Variants in CNTN1 observed in about 807,000 individuals in gnomAD.
CNTN1 encodes contactin 1.
CNTN1 carries 38 observed loss-of-function variants against 126.4 expected under a neutral mutation model. The ratio of observed to expected loss-of-function variants is 0.30; its 90% confidence interval spans 0.23 to 0.39. The LOEUF (loss-of-function observed/expected upper bound fraction) is 0.39. Among genes scored for constraint, CNTN1 ranks in the 10% least tolerant of loss-of-function variants. The pLI is 1.00. For missense variants in CNTN1, 1,009 were observed against 1,248.4 expected (o/e 0.81, Z 2.89); for synonymous variants, 413 against 422.6 (o/e 0.98, Z 0.28).
At chr12:40,934,012 A>T in intron 9 of CNTN1, 134 bp downstream of exon 9, 3 of 729,036 alleles carry the variant, frequency 4.1e-6, no homozygotes, top group Non-Finnish European at 6.9e-6. Flanking sequence ...GGAGAAAGAT[A>T]AAATATTTCT....
chr12:40,880,080 A>G (rs2136694531), intron 1 of CNTN1, among the ~76,000 whole-genome samples: 1 of 152,212 alleles, frequency 6.6e-6, no homozygotes, highest in East Asian at 1.9e-4. Flanking sequence ...ACTCTCAAGG[A>G]ACAAATTTAT....
At chr12:40,812,393 C>T (rs1941097773) in intron 1 of CNTN1, among the ~76,000 whole-genome samples, 1 of 152,022 alleles carries the variant, frequency 6.6e-6, no homozygotes, top group African/African-American at 2.4e-5. Context: ...CTTGTGTTCA[C>T]TTTGTCTATA....
At chr12:41,014,596 T>A (rs545131758) in intron 18 of CNTN1, among the ~76,000 whole-genome samples, 10 of 152,308 alleles carry the variant, frequency 6.6e-5, no homozygotes, top group Non-Finnish European at 1.5e-4. Flanking sequence ...GTAATCTAAT[T>A]GTAATTTTAA....
chr12:41,047,358 C>T (rs1949567116), intron 23 of CNTN1, among the ~76,000 whole-genome samples: 1 of 152,140 alleles, frequency 6.6e-6, no homozygotes, highest in Non-Finnish European at 1.5e-5. Flanking sequence ...TCCATCTACT[C>T]ACTGAGTGCT....
intron 1 of CNTN1, among the ~76,000 whole-genome samples, chr12:40,829,487 A>T (rs1236380086): frequency 2.6e-5 from 4 of 152,160 alleles, no homozygotes; most frequent in African/African-American, 9.7e-5. Flanking sequence ...TGGGAAAAAA[A>T]AGTATCACTT....
At chr12:40,735,814 G>A (rs997387469) in intron 1 of CNTN1, among the ~76,000 whole-genome samples, 2 of 152,062 alleles carry the variant, frequency 1.3e-5, no homozygotes, top group Admixed American at 6.6e-5. Context: ...ATTGGGGGAT[G>A]CTAAAGAGGA....
intron 1 of CNTN1, among the ~76,000 whole-genome samples, chr12:40,766,369 A>G (rs1230874480): frequency 3.4e-5 from 5 of 147,428 alleles, no homozygotes; most frequent in African/African-American, 1.3e-4. Flanking sequence ...AAAAAAAAAA[A>G]AAAAGAAAGA....
intron 1 of CNTN1, among the ~76,000 whole-genome samples, chr12:40,783,061 A>G (rs1451726640): frequency 6.6e-6 from 1 of 151,966 alleles, no homozygotes; most frequent in Non-Finnish European, 1.5e-5. Flanking sequence ...AAGAGTATAA[A>G]CTGTTTTGTT....
intron 23 of CNTN1, among the ~76,000 whole-genome samples, chr12:41,046,352 T>C (rs1384475493): frequency 6.6e-6 from 1 of 152,116 alleles, no homozygotes; most frequent in African/African-American, 2.4e-5. Flanking sequence ...TGAATTTAGG[T>C]CACATATTAC....
intron 1 of CNTN1, among the ~76,000 whole-genome samples, chr12:40,865,697 C>T (rs1440583225): frequency 1.3e-5 from 2 of 151,856 alleles, no homozygotes; most frequent in Non-Finnish European, 2.9e-5. Flanking sequence ...CTATTATTAC[C>T]AAGACTACAT....
intron 1 of CNTN1, among the ~76,000 whole-genome samples, chr12:40,772,140 G>A: frequency 6.6e-6 from 1 of 152,010 alleles, no homozygotes; most frequent in South Asian, 2.1e-4. Context: ...TTTCTTATCT[G>A]CAAAATAATA....
rs185587433 is a variant in CNTN1, at chr12:40,834,976, G to T, written c.-76-73381G>T. On this transcript the variant is annotated intron_variant, in intron 1 of 23. Coordinates refer to ENST00000551295, the MANE Select transcript of CNTN1 (RefSeq NM_001843.4). ...TGGCCCTGGCTTGGTTAATGTATGA[G>T]GCTACGGGGACCTGGCTGGAAAATA... Among the ~76,000 whole-genome samples the T allele has an allele frequency of 4.6e-5, 7 of 152,198 alleles. No homozygotes were observed. The East Asian group carries it at 1.3e-3, about 29-fold the overall frequency.
rs371075721 is a variant in CNTN1, at chr12:40,811,583, AC to A, written c.-76-96773del. Among the ~76,000 whole-genome samples, 577 of 152,018 alleles carry A rather than the reference AC, an allele frequency of 3.8e-3. 1 individual carries two copies. Among genetic ancestry groups the A allele is most frequent in the Non-Finnish European group, 4.8e-3 (323 of 67,918 alleles). ...TTTTGATAACTGATTAGATTGCCTT[AC>A]TTGTATTTGTCTGTTTAGATTTTCT... On this transcript the variant is annotated intron_variant, in intron 1 of 23. Coordinates refer to ENST00000551295, the MANE Select transcript of CNTN1 (RefSeq NM_001843.4).
intron 23 of CNTN1, among the ~76,000 whole-genome samples, chr12:41,044,997 T>A (rs1160594881): frequency 6.6e-6 from 1 of 152,082 alleles, no homozygotes; most frequent in African/African-American, 2.4e-5. Flanking sequence ...AAATGGATAA[T>A]CTTTTACAAT....
chr12:40,828,246 A>G (rs574510298), intron 1 of CNTN1: 1 of 152,300 alleles, frequency 6.6e-6, no homozygotes, highest in East Asian at 1.9e-4. Flanking sequence ...ATTTATTCAA[A>G]TGGACAATTT....
In CNTN1 at chr12:40,782,297, GA is replaced by G. The variant is rs1282420784; in HGVS notation, c.-77+89711del. 2.0e-5 allele frequency among the ~76,000 whole-genome samples: 3 copies of G among 150,880 alleles called. No individual in the cohort carries two copies. In the South Asian group the frequency reaches 6.2e-4, roughly 31 times the overall value. On this transcript the variant is annotated intron_variant, in intron 1 of 23. Coordinates refer to ENST00000551295, the MANE Select transcript of CNTN1 (RefSeq NM_001843.4). ...TGGATATGAACCATTAACAGGCTTTGAAAAAATAAAAAAAAGGTCAAACCCT... is the reference window on the plus strand; with the variant it reads ...TGGATATGAACCATTAACAGGCTTTGAAAAATAAAAAAAAGGTCAAACCCT...
chr12:40,968,867 A>G (rs1947397554), intron 15 of CNTN1, among the ~76,000 whole-genome samples: 1 of 152,200 alleles, frequency 6.6e-6, no homozygotes, highest in Non-Finnish European at 1.5e-5. Flanking sequence ...AAGTCAGACC[A>G]TATAATTTTG....
rs532719310 is a variant in CNTN1 at position 40,770,159 on chromosome 12, C to CT, written c.-77+77574dup. 1.4e-4 allele frequency among the ~76,000 whole-genome samples: 21 copies of CT among 152,208 alleles called. 1 individual carries two copies. The highest frequency in any genetic ancestry group is 4.6e-4 in the African/African-American group (19 of 41,536). On this transcript the variant is annotated intron_variant, in intron 1 of 23. Transcript: ENST00000551295. ...AAATCCCTCTTTATAAAGCAATCAA[C>CT]TTTTTTTAGCGCCTCAGAGTATGCC...
At chr12:40,862,835 T>G (rs1943163212) in intron 1 of CNTN1, among the ~76,000 whole-genome samples, 1 of 152,196 alleles carries the variant, frequency 6.6e-6, no homozygotes, top group African/African-American at 2.4e-5. Flanking sequence ...ACTGAATACA[T>G]GCTTATTGAA....
Sources: allele counts gnomAD v4.1 joint callset (sites outside exome capture counted in the v4.1 genomes callset), GRCh38; gene constraint gnomAD v4.1.1; transcripts MANE v1.5; gene names NCBI Gene and HGNC (gene_info 2026-07-23, HGNC 2026-07-21).